SENP7: variants seen among roughly 807,000 people sequenced by gnomAD.
SENP7 encodes the protein sentrin-specific protease 7.
In SENP7, 64 loss-of-function variants were observed where a neutral mutation model predicts 141.2. The ratio of observed to expected loss-of-function variants is 0.45; its 90% CI spans 0.37 to 0.56. The LOEUF (loss-of-function observed/expected upper bound fraction) is 0.56, where lower values mean the gene tolerates loss of function less well. Among genes scored for constraint, SENP7 ranks in the 20% least tolerant of loss-of-function variants. The pLI is 0.00. For missense variants in SENP7, 1,025 were observed against 1,212.2 expected (o/e 0.85, Z 2.29); for synonymous variants, 382 against 426.4 (o/e 0.90, Z 1.28).
chr3:101,469,394 C>T (rs1286870449), intron 3 of SENP7, among the ~76,000 whole-genome samples: 2 of 152,154 alleles, frequency 1.3e-5, no homozygotes, highest in Non-Finnish European at 2.9e-5. Context: ...AGCTCTGCAA[C>T]AAACAGACCT....
chr3:101,374,298 A>G (rs1198482297), intron 6 of SENP7, among the ~76,000 whole-genome samples: 2 of 152,216 alleles, frequency 1.3e-5, no homozygotes, highest in East Asian at 3.8e-4. Flanking sequence ...ATCTACAAAA[A>G]TTAACTCAAA....
intron 1 of SENP7, among the ~76,000 whole-genome samples, chr3:101,501,883 T>C (rs1918407): frequency 0.4 from 60,410 of 152,020 alleles, 12,522 homozygotes; most frequent in Admixed American, 0.54. Flanking sequence ...TGCAATTCCA[T>C]AGGAAAGGGA....
chr3:101,466,229 C>A (rs2063753512), intron 3 of SENP7, among the ~76,000 whole-genome samples: 1 of 151,836 alleles, frequency 6.6e-6, no homozygotes, highest in African/African-American at 2.4e-5. Context: ...GAAAACTTCC[C>A]AAGTCTTGCA....
At position 101,417,802 on chromosome 3, in the gene SENP7, A is replaced by T; in HGVS notation, c.285-12T>A. 6.3e-7 allele frequency: 1 copy of T among 1,591,044 alleles called. No homozygotes were observed. Among genetic ancestry groups the T allele is most frequent in the Non-Finnish European group, 8.6e-7 (1 of 1,159,090 alleles). Reference sequence around the variant, plus strand: ...TAACTTTGAGTTGCCTGTTATACACATAAATAATTAGTATATATGGTACTA... The same window carrying T: ...TAACTTTGAGTTGCCTGTTATACACTTAAATAATTAGTATATATGGTACTA... On this transcript the variant is annotated splice_polypyrimidine_tract_variant and intron_variant, in intron 4 of 23. Transcript: ENST00000394095.
chr3:101,465,235 C>G lies in SENP7; in HGVS notation c.187-6183G>C, dbSNP rs180914154. ...GAGGCCTAGGGATCAATCCACCCCC[C>G]TCACCCCCGCCACTGGCTCAGACAC... On this transcript the variant is annotated intron_variant, in intron 3 of 23. Transcript: ENST00000394095. 3.8e-3 allele frequency among the ~76,000 whole-genome samples: 581 copies of G among 152,208 alleles called. 2 individuals carry two copies. The highest frequency in any genetic ancestry group is 5.0e-3 in the Non-Finnish European group (337 of 67,972).
rs769590055 is a variant in SENP7, at chr3:101,332,870, T to G, written c.2481-8A>C. 3.8e-6 allele frequency: 6 copies of G among 1,571,868 alleles called. No individual in the cohort carries two copies. The Admixed American group carries it at 5.9e-5, about 16-fold the overall frequency. ...TGTCTTCTCTGTGCCATTCTGAGAG[T>G]ATGAAAGACAGATTTGATATATAAA... On this transcript the variant is annotated splice_region_variant and splice_polypyrimidine_tract_variant and intron_variant, in intron 17 of 23. Coordinates refer to ENST00000394095, the MANE Select transcript of SENP7 (RefSeq NM_020654.5).
chr3:101,420,602 A>G (rs914522597), intron 4 of SENP7, among the ~76,000 whole-genome samples: 21 of 152,210 alleles, frequency 1.4e-4, no homozygotes, highest in African/African-American at 4.6e-4. Context: ...TGTCTTTACA[A>G]TGAACAGATC....
intron 11 of SENP7, among the ~76,000 whole-genome samples, chr3:101,360,952 C>T (rs766687964): frequency 3.3e-5 from 5 of 152,060 alleles, no homozygotes; most frequent in East Asian, 3.9e-4. Flanking sequence ...ACCTGTAATC[C>T]GAGCACTTTG....
At chr3:101,465,833 A>C (rs1221865288) in intron 3 of SENP7, among the ~76,000 whole-genome samples, 1 of 152,188 alleles carries the variant, frequency 6.6e-6, no homozygotes, top group Non-Finnish European at 1.5e-5. Context: ...CTGGAAAAAA[A>C]ATCAAAATTC....
intron 11 of SENP7, among the ~76,000 whole-genome samples, chr3:101,352,527 T>C (rs1409342313): frequency 6.6e-6 from 1 of 152,054 alleles, no homozygotes; most frequent in Non-Finnish European, 1.5e-5. Flanking sequence ...TGTATATATC[T>C]GACTTCCTTA....
chr3:101,440,581 T>TAAA (rs58673443), intron 4 of SENP7, among the ~76,000 whole-genome samples: 2,582 of 124,818 alleles, frequency 0.021, 84 homozygotes, highest in African/African-American at 0.072. Context: ...AAAAATAAAT[T>TAAA]AAAAAAAAAA....
chr3:101,424,574 C>T (rs1490274300), intron 4 of SENP7, among the ~76,000 whole-genome samples: 1 of 151,976 alleles, frequency 6.6e-6, no homozygotes, highest in Non-Finnish European at 1.5e-5. Flanking sequence ...AGCACACCTT[C>T]CCCCCACACT....
chr3:101,503,051 C>A (rs2065454498), intron 1 of SENP7, among the ~76,000 whole-genome samples: 1 of 151,746 alleles, frequency 6.6e-6, no homozygotes, highest in East Asian at 1.9e-4. Flanking sequence ...ATATAAAGAA[C>A]TCCTACAAAG....
At chr3:101,375,809 A>G (rs1407805779) in intron 6 of SENP7, among the ~76,000 whole-genome samples, 1 of 152,228 alleles carries the variant, frequency 6.6e-6, no homozygotes, top group East Asian at 1.9e-4. Context: ...TGAACTTGTG[A>G]TAAGTGCTAC....
chr3:101,490,495 A>AAGAC (rs987250707), intron 3 of SENP7, among the ~76,000 whole-genome samples: 3 of 152,176 alleles, frequency 2.0e-5, no homozygotes, highest in Non-Finnish European at 4.4e-5. Context: ...AGAAGAGGAA[A>AAGAC]AGACACAATG....
chr3:101,386,922 C>T (rs1321051528), intron 6 of SENP7, among the ~76,000 whole-genome samples: 1 of 152,224 alleles, frequency 6.6e-6, no homozygotes, highest in East Asian at 1.9e-4. Context: ...ACATGCCATA[C>T]AGGGGCCTAA....
intron 4 of SENP7, among the ~76,000 whole-genome samples, chr3:101,452,187 A>T (rs1211168936): frequency 6.6e-6 from 1 of 152,172 alleles, no homozygotes; most frequent in Non-Finnish European, 1.5e-5. Context: ...AAGGAGAACT[A>T]CAAACCACTG....
At chr3:101,411,703 C>T (rs2061462401) in intron 5 of SENP7, among the ~76,000 whole-genome samples, 1 of 152,210 alleles carries the variant, frequency 6.6e-6, no homozygotes, top group South Asian at 2.1e-4. Flanking sequence ...GTGTATACTT[C>T]ATCTTTCATA....
At position 101,332,112 on chromosome 3, in the gene SENP7, G is replaced by C; in HGVS notation, c.2574-3C>G. The C allele has an allele frequency of 6.2e-7, 1 of 1,612,322 alleles. No individual in the cohort carries two copies. The highest frequency in any genetic ancestry group is 8.5e-7 in the Non-Finnish European group (1 of 1,179,014). Reference sequence around the variant, plus strand: ...TGACTGCGAGATACCAGTGAGACCTGTTGAAAAAGAACTACAATCTTAATA... The same window carrying C: ...TGACTGCGAGATACCAGTGAGACCTCTTGAAAAAGAACTACAATCTTAATA... On this transcript the variant is annotated splice_region_variant and splice_polypyrimidine_tract_variant and intron_variant, in intron 18 of 23. Coordinates refer to ENST00000394095, the MANE Select transcript of SENP7 (RefSeq NM_020654.5).
Sources: gnomAD v4.1 joint callset for allele counts (sites outside exome capture counted in the v4.1 genomes callset) on GRCh38, gnomAD v4.1.1 for gene constraint, MANE v1.5 for transcripts, NCBI Gene and HGNC (gene_info 2026-07-23, HGNC 2026-07-21) for gene names.